ZNF385D: variants seen among roughly 807,000 people sequenced by gnomAD.
The protein encoded by ZNF385D is zinc finger protein 659.
A neutral mutation model predicts 35.8 loss-of-function variants in ZNF385D; 15 were observed. The observed-to-expected ratio is 0.42, with a 90% CI of 0.28 to 0.64. The LOEUF (loss-of-function observed/expected upper bound fraction) is 0.64, where lower values mean the gene tolerates loss of function less well. ZNF385D is among the 30% of genes least tolerant of loss of function. ZNF385D has a pLI of 0.23. For synonymous variants in ZNF385D, 212 were observed against 186.8 expected, an observed-to-expected ratio of 1.13 and a Z score of -1.10; for missense variants, 474 against 494.6, an observed-to-expected ratio of 0.96 and a Z score of 0.39.
At chr3:21,715,099 T>C (rs967696250) in intron 1 of ZNF385D, among the ~76,000 whole-genome samples, 5 of 152,294 alleles carry the variant, frequency 3.3e-5, no homozygotes, top group Middle Eastern at 6.8e-3. Flanking sequence ...ATGGATAATG[T>C]ACTTCTAAAA....
intron 2 of ZNF385D, among the ~76,000 whole-genome samples, chr3:22,227,020 A>G (rs1438264792): frequency 1.3e-5 from 2 of 152,212 alleles, no homozygotes; most frequent in African/African-American, 2.4e-5. Flanking sequence ...TGCATTCAGC[A>G]TATTTTGGTA....
Position 22,087,405 on chromosome 3 carries a change from C to CT in ZNF385D, c.325+81411dup, listed in dbSNP as rs1348500313. Reference sequence around the variant, plus strand: ...CCTTAAAAACATATATGTTATGGAACTATGTTCTCCCCAAAGGGAGTATAT... The same window carrying CT: ...CCTTAAAAACATATATGTTATGGAACTTATGTTCTCCCCAAAGGGAGTATAT... On this transcript the variant is annotated intron_variant, in intron 3 of 5. Coordinates refer to the ZNF385D transcript ENST00000494108. Among the ~76,000 whole-genome samples the CT allele has an allele frequency of 3.3e-5, 5 of 152,102 alleles. No homozygotes were observed. The East Asian group carries it at 7.7e-4, about 23-fold the overall frequency.
chr3:22,203,731 G>C (rs1696960318), intron 2 of ZNF385D, among the ~76,000 whole-genome samples: 2 of 152,088 alleles, frequency 1.3e-5, no homozygotes, highest in Non-Finnish European at 2.9e-5. Context: ...GGTGGACATG[G>C]AAGCAGACTC....
chr3:22,066,755 G>C (rs1699984252), intron 3 of ZNF385D, among the ~76,000 whole-genome samples: 1 of 152,250 alleles, frequency 6.6e-6, no homozygotes, highest in South Asian at 2.1e-4. Flanking sequence ...ACATTTACTG[G>C]ATGTTTCCTA....
chr3:21,806,628 C>T (rs754932545), intron 3 of ZNF385D, among the ~76,000 whole-genome samples: 11 of 152,126 alleles, frequency 7.2e-5, no homozygotes, highest in Non-Finnish European at 1.5e-4. Flanking sequence ...ACTACACAGA[C>T]CTAATTTTTT....
At position 21,420,435 on chromosome 3, in the gene ZNF385D, G is replaced by A. The variant is rs1700685770; in HGVS notation, c.*779C>T. On this transcript the variant is annotated 3_prime_UTR_variant, in exon 8 of 8. Coordinates refer to ENST00000281523, the MANE Select transcript of ZNF385D (RefSeq NM_024697.3). Reference sequence around the variant, plus strand: ...TTCCAGCAATATATCTTCAGGGTGGGAAGTTACTACTTTATAAGAAATCAC... The same window carrying A: ...TTCCAGCAATATATCTTCAGGGTGGAAAGTTACTACTTTATAAGAAATCAC... The A allele has an allele frequency of 6.6e-6, 1 of 152,170 alleles. No individual in the cohort carries two copies. Among genetic ancestry groups the A allele is most frequent in the African/African-American group, 2.4e-5 (1 of 41,442 alleles). 9.4% of individuals were successfully genotyped at this position (152,170 alleles called of 1,614,324 possible). A position where few individuals can be genotyped will look rare whatever the true frequency, so the allele number is the denominator to read the frequency against.
intron 3 of ZNF385D, among the ~76,000 whole-genome samples, chr3:21,829,969 C>T (rs1021184742): frequency 5.3e-5 from 8 of 151,762 alleles, no homozygotes; most frequent in African/African-American, 1.9e-4. Context: ...ACTAAAAATG[C>T]AAAAATTAGC....
chr3:21,549,475 C>T (rs1204691394), intron 3 of ZNF385D, among the ~76,000 whole-genome samples: 1 of 152,154 alleles, frequency 6.6e-6, no homozygotes, highest in Non-Finnish European at 1.5e-5. Context: ...TAGGAACTAG[C>T]AAGGTTGTGA....
At chr3:21,665,502 C>A (rs1161002737) in intron 1 of ZNF385D, among the ~76,000 whole-genome samples, 1 of 152,300 alleles carries the variant, frequency 6.6e-6, no homozygotes. Flanking sequence ...GAACTTGGCA[C>A]ATAAAAGAAA....
intron 3 of ZNF385D, among the ~76,000 whole-genome samples, chr3:22,047,053 A>G (rs1699047123): frequency 6.6e-6 from 1 of 152,140 alleles, no homozygotes; most frequent in Non-Finnish European, 1.5e-5. Context: ...CAGTAACTGG[A>G]CTACAAATAA....
chr3:21,756,916 A>T (rs185940952), intron 3 of ZNF385D, among the ~76,000 whole-genome samples: 2 of 152,252 alleles, frequency 1.3e-5, no homozygotes, highest in East Asian at 3.9e-4. Context: ...TTGTGTAGAC[A>T]CTGCTATAAA....
At chr3:22,159,787 T>C (rs577025821) in intron 3 of ZNF385D, among the ~76,000 whole-genome samples, 11 of 152,286 alleles carry the variant, frequency 7.2e-5, no homozygotes, top group Non-Finnish European at 1.3e-4. Flanking sequence ...TGTCTTATTA[T>C]ATATTTTTGA....
At chr3:21,960,485 G>A (rs1702529023) in intron 3 of ZNF385D, among the ~76,000 whole-genome samples, 1 of 152,044 alleles carries the variant, frequency 6.6e-6, no homozygotes, top group East Asian at 1.9e-4. Context: ...TACACTGTTG[G>A]TGGAAATGTA....
At chr3:22,358,819 A>AATG (rs1361813702) in intron 2 of ZNF385D, among the ~76,000 whole-genome samples, 1 of 151,818 alleles carries the variant, frequency 6.6e-6, no homozygotes, top group African/African-American at 2.4e-5. Context: ...CAGGGATTAC[A>AATG]ATGACTGAAC....
chr3:22,195,695 A>T (rs1290602682), intron 2 of ZNF385D, among the ~76,000 whole-genome samples: 1 of 152,042 alleles, frequency 6.6e-6, no homozygotes, highest in Non-Finnish European at 1.5e-5. Context: ...TCTAACCAGC[A>T]TTAGATATTA....
chr3:22,216,254 T>A (rs1249850760), intron 2 of ZNF385D, among the ~76,000 whole-genome samples: 15 of 151,982 alleles, frequency 9.9e-5, no homozygotes, highest in Non-Finnish European at 2.1e-4. Flanking sequence ...ACTTGATAAA[T>A]GTTTTGATTT....
At chr3:22,139,725 C>G (rs900573931) in intron 3 of ZNF385D, among the ~76,000 whole-genome samples, 11 of 152,004 alleles carry the variant, frequency 7.2e-5, no homozygotes, top group African/African-American at 2.7e-4. Context: ...TGTAACAAAC[C>G]TGCACGTTAT....
intron 2 of ZNF385D, among the ~76,000 whole-genome samples, chr3:22,360,078 T>TA (rs532579906): frequency 7.2e-5 from 11 of 152,048 alleles, no homozygotes; most frequent in African/African-American, 2.4e-4. Context: ...TTGACTAGCT[T>TA]AAAAAATCTC....
In ZNF385D at chr3:21,420,910, G is replaced by C. The variant is rs539365789; in HGVS notation, c.*304C>G. ...AGGACAGACAATGCAGAGGGAAATAGGTGCCCAAAAGCACAGTCACAGAGG... is the reference window on the plus strand; with the variant it reads ...AGGACAGACAATGCAGAGGGAAATACGTGCCCAAAAGCACAGTCACAGAGG... On this transcript the variant is annotated 3_prime_UTR_variant, in exon 8 of 8. Coordinates refer to ENST00000281523, the MANE Select transcript of ZNF385D (RefSeq NM_024697.3). 3 of 290,820 alleles carry C rather than the reference G, an allele frequency of 1.0e-5. No individual in the cohort carries two copies. The highest frequency in any genetic ancestry group is 2.0e-5 in the Non-Finnish European group (3 of 153,454). 18.0% of individuals were successfully genotyped at this position (290,820 alleles called of 1,614,324 possible). A position where few individuals can be genotyped will look rare whatever the true frequency, so the allele number is the denominator to read the frequency against.
Sources: gnomAD v4.1 joint callset for allele counts (sites outside exome capture counted in the v4.1 genomes callset) on GRCh38, gnomAD v4.1.1 for gene constraint, MANE v1.5 for transcripts, NCBI Gene and HGNC (gene_info 2026-07-23, HGNC 2026-07-21) for gene names.